UBR2: variants seen among roughly 807,000 people sequenced by gnomAD.
UBR2 encodes E3 ubiquitin-protein ligase UBR2.
In UBR2, 92 loss-of-function variants were observed where a neutral mutation model predicts 247.9. The ratio of observed to expected loss-of-function variants is 0.37; its 90% CI spans 0.31 to 0.44. UBR2 has a LOEUF of 0.44. Ranked by LOEUF, UBR2 falls within the 20% of genes least tolerant of loss-of-function variation. The pLI is 1.00. For missense variants in UBR2, 1,613 were observed against 2,112.6 expected, an observed-to-expected ratio of 0.76 and a Z score of 4.64; for synonymous variants, 672 against 693.5, an observed-to-expected ratio of 0.97 and a Z score of 0.49.
rs1794127697 is a variant in UBR2, at chr6:42,612,082, G to A, written c.865-89G>A. On this transcript the variant is annotated intron_variant, in intron 7 of 46. Transcript: ENST00000372901. Reference sequence around the variant, plus strand: ...AAAAGTCTCCTATGATGATGATAGTGTGGTTATATTAAGTAAAAATAATAA... The same window carrying A: ...AAAAGTCTCCTATGATGATGATAGTATGGTTATATTAAGTAAAAATAATAA... The A allele has an allele frequency of 8.1e-6, 10 of 1,241,258 alleles. No homozygotes were observed. In the South Asian group the frequency reaches 2.2e-4, roughly 28 times the overall value. 76.9% of individuals were successfully genotyped at this position (1,241,258 alleles called of 1,614,324 possible). A position where few individuals can be genotyped will look rare whatever the true frequency, so the allele number is the denominator to read the frequency against.
At chr6:42,618,155 A>G (rs562457706) in intron 11 of UBR2, among the ~76,000 whole-genome samples, 1 of 152,342 alleles carries the variant, frequency 6.6e-6, no homozygotes, top group South Asian at 2.1e-4. Context: ...AAAGACTCAC[A>G]TAAATAATCA....
chr6:42,612,759 T>C (rs998765690), intron 8 of UBR2, among the ~76,000 whole-genome samples: 1 of 152,206 alleles, frequency 6.6e-6, no homozygotes, highest in African/African-American at 2.4e-5. Flanking sequence ...TTACCAATAA[T>C]TTGCAACACT....
chr6:42,603,563 CT>C (rs770992428), intron 4 of UBR2, 24 bp from the exon 5 acceptor site: 6 of 1,521,942 alleles, frequency 3.9e-6, no homozygotes, highest in Admixed American at 2.6e-5. Flanking sequence ...TTTTCTTTTT[CT>C]TTTTTTTCTG....
At chr6:42,617,047 G>A (rs1437086738) in intron 10 of UBR2, among the ~76,000 whole-genome samples, 3 of 152,146 alleles carry the variant, frequency 2.0e-5, no homozygotes, top group African/African-American at 4.8e-5. Flanking sequence ...AGAAAGAATC[G>A]ATATTTATAC....
chr6:42,569,701 T>C, intron 1 of UBR2, among the ~76,000 whole-genome samples: 1 of 152,208 alleles, frequency 6.6e-6, no homozygotes, highest in East Asian at 1.9e-4. Flanking sequence ...ACAATTTTAA[T>C]TGGGTATAGA....
rs922267305 is a variant in UBR2 at position 42,679,704 on chromosome 6, T to C, written c.4610-20T>C. 1.9e-6 allele frequency: 3 copies of C among 1,567,106 alleles called. No individual in the cohort carries two copies. The African/African-American group carries it at 4.1e-5, about 21-fold the overall frequency. ...GCCCTTAGTTGTTATATGCACTCTT[T>C]TCTTGTTCTTCATTTGCAGTTCCTG... On this transcript the variant is annotated intron_variant, in intron 41 of 46. Transcript: ENST00000372901.
At chr6:42,573,323 C>T (rs889048557) in intron 1 of UBR2, among the ~76,000 whole-genome samples, 3 of 152,140 alleles carry the variant, frequency 2.0e-5, no homozygotes, top group Admixed American at 1.3e-4. Context: ...TTCATATTCA[C>T]CGTACACTCT....
intron 7 of UBR2, among the ~76,000 whole-genome samples, chr6:42,607,933 G>C (rs1041690350): frequency 2.0e-5 from 3 of 152,042 alleles, no homozygotes; most frequent in Middle Eastern, 3.4e-3. Flanking sequence ...TTTCATTTCA[G>C]TGTTGTTTTT....
At position 42,615,096 on chromosome 6, in the gene UBR2, A is replaced by G. The variant is rs535180943; in HGVS notation, c.1011A>G (p.Gln337=). Residue 337 remains glutamine, a synonymous_variant, in exon 9 of 47, where the codon CAA becomes CAG. Transcript: ENST00000372901. ...ATGGCCTTCGCCGGATTTTATGTCA[A>G]GTTGGTTTACAAGAAGGGCCAGATG... ...YSDGLRRILC[Q]VGLQEGPDGE... is the part of the protein sequence containing the mutation. The G allele has an allele frequency of 4.0e-5, 64 of 1,613,238 alleles. No individual in the cohort carries two copies. The South Asian group carries it at 6.2e-4, about 16-fold the overall frequency.
intron 2 of UBR2, among the ~76,000 whole-genome samples, chr6:42,587,364 C>CT (rs1002315687): frequency 2.0e-5 from 3 of 151,168 alleles, no homozygotes; most frequent in East Asian, 1.9e-4. Context: ...TTTTTTCTTT[C>CT]TTTTTTTGAG....
chr6:42,652,053 C>T lies in UBR2; in HGVS notation c.2596C>T (p.Gln866Ter). 2 of 1,589,570 alleles carry T rather than the reference C, an allele frequency of 1.3e-6. No individual in the cohort carries two copies. The highest frequency in any genetic ancestry group is 2.3e-5 in the East Asian group (1 of 43,170). Residue 866 changes from glutamine to a stop codon, truncating the protein, a stop_gained, in exon 24 of 47, where the codon CAA (glutamine) becomes TAA (stop). Coordinates refer to ENST00000372901, the MANE Select transcript of UBR2 (RefSeq NM_001363705.2). LOFTEE classifies it high-confidence loss of function. ...AEEAQRKLKR[Q>*]NREDTALPPP... ...AGAAGCGCAACGGAAATTGAAAAGA[C>T]AAAATAGAGAAGATACAGGTATTTT...
In UBR2 at chr6:42,606,656, G is replaced by A; in HGVS notation, c.864+5G>A. ...CAAGCAAAATCAGTAATTGTGGTAA[G>A]TAATTTAAAAACATGCTTATATTAT... On this transcript the variant is annotated splice_donor_5th_base_variant and intron_variant, in intron 7 of 46. Coordinates refer to ENST00000372901, the MANE Select transcript of UBR2 (RefSeq NM_001363705.2). 1 of 1,596,382 alleles carries A rather than the reference G, an allele frequency of 6.3e-7. No homozygotes were observed. Among genetic ancestry groups the A allele is most frequent in the Non-Finnish European group, 8.5e-7 (1 of 1,172,792 alleles).
At chr6:42,671,364 T>C (rs1342780514) in intron 36 of UBR2, among the ~76,000 whole-genome samples, 1 of 151,626 alleles carries the variant, frequency 6.6e-6, no homozygotes, top group African/African-American at 2.4e-5. Context: ...GAGCCATGAT[T>C]GTGCCCCTGT....
intron 36 of UBR2, 37 bp from the exon 37 acceptor site, chr6:42,673,754 A>G (rs779090104): frequency 3.3e-5 from 50 of 1,514,734 alleles, no homozygotes; most frequent in Non-Finnish European, 4.4e-5. Flanking sequence ...ACTGCTTTGC[A>G]TTTTTGTTTT....
At chr6:42,654,628 A>T (rs997537830) in intron 25 of UBR2, among the ~76,000 whole-genome samples, 1 of 152,214 alleles carries the variant, frequency 6.6e-6, no homozygotes, top group Non-Finnish European at 1.5e-5. Context: ...AGGAGGGCTC[A>T]GGAGAATCAC....
Position 42,592,218 on chromosome 6 carries a change from C to T in UBR2, c.406C>T (p.His136Tyr). The change falls in exon 3 of 47, where the codon CAT becomes TAT. Residue 136 changes from histidine to tyrosine, a missense_variant. His to Tyr is a moderately conservative substitution (Grantham distance 83). Transcript: ENST00000372901. ...ECFLGSIHRD[H>Y]RYRMTTSGGG... The stretch of plus-strand genomic sequence containing the variant: ...CTTTTTGGGAAGTATTCACAGAGAT[C>T]ATCGATATAGGGTTAGTAATGTCCA... The T allele has an allele frequency of 6.3e-7, 1 of 1,591,982 alleles. No homozygotes were observed. Among genetic ancestry groups the T allele is most frequent in the Non-Finnish European group, 8.5e-7 (1 of 1,173,322 alleles).
chr6:42,633,689 C>T lies in UBR2; in HGVS notation c.1545+785C>T, dbSNP rs544553144. 4.6e-5 allele frequency among the ~76,000 whole-genome samples: 7 copies of T among 151,410 alleles called. No homozygotes were observed. The East Asian group carries it at 1.4e-3, about 30-fold the overall frequency. On this transcript the variant is annotated intron_variant, in intron 13 of 46. Coordinates refer to ENST00000372901, the MANE Select transcript of UBR2 (RefSeq NM_001363705.2). ...TACCGGCATGAGCCACCGCACCTGG[C>T]CAGTTTTTGGGGTTGTTTTTTTGTT...
chr6:42,641,571 T>C lies in UBR2; in HGVS notation c.1921-11T>C. 12 of 1,570,334 alleles carry C rather than the reference T, an allele frequency of 7.6e-6. No homozygotes were observed. The highest frequency in any genetic ancestry group is 1.0e-5 in the Non-Finnish European group (12 of 1,164,718). Reference sequence around the variant, plus strand: ...TTTTGTTTTCTGTTTTTTTATTTTTTGTATATATAGAGTGAACTTAGCCCA... The same window carrying C: ...TTTTGTTTTCTGTTTTTTTATTTTTCGTATATATAGAGTGAACTTAGCCCA... On this transcript the variant is annotated splice_polypyrimidine_tract_variant and intron_variant, in intron 16 of 46. Transcript: ENST00000372901.
intron 5 of UBR2, among the ~76,000 whole-genome samples, chr6:42,604,461 G>A (rs1235922431): frequency 6.6e-6 from 1 of 152,106 alleles, no homozygotes; most frequent in Non-Finnish European, 1.5e-5. Context: ...CTAATAAAAT[G>A]AGGTGACTAT....
Sources: allele counts gnomAD v4.1 joint callset (sites outside exome capture counted in the v4.1 genomes callset), GRCh38; gene constraint gnomAD v4.1.1; transcripts MANE v1.5; gene names NCBI Gene and HGNC (gene_info 2026-07-23, HGNC 2026-07-21).